Variants in SETMAR observed in about 807,000 individuals in gnomAD.
The protein encoded by SETMAR is histone-lysine N-methyltransferase SETMAR.
SETMAR carries 44 observed loss-of-function variants against 58.4 expected under a neutral mutation model. That is an observed-to-expected ratio of 0.75 (90% confidence interval 0.59 to 0.97). The LOEUF is 0.97. Among genes scored for constraint, SETMAR ranks in the 50% least tolerant of loss-of-function variants. The pLI, the probability that SETMAR is intolerant of heterozygous loss-of-function variation, is 0.00. For synonymous variants in SETMAR, 332 were observed against 307.4 expected (o/e 1.08, Z -0.84); for missense variants, 903 against 840.2 (o/e 1.07, Z -0.92).
intron 1 of SETMAR, among the ~76,000 whole-genome samples, chr3:4,306,085 G>A (rs201594178): frequency 1.3e-5 from 2 of 152,086 alleles, no homozygotes; most frequent in Non-Finnish European, 2.9e-5. Flanking sequence ...ACAGAAAAAC[G>A]CACTCTACCC....
chr3:4,316,046 CAAAAAAAAAAAAA>C (rs774059331), intron 2 of SETMAR, among the ~76,000 whole-genome samples, 153 bp from the exon 3 acceptor site: 1 of 76,886 alleles, frequency 1.3e-5, no homozygotes, highest in Non-Finnish European at 2.7e-5. Context: ...GACTCTGTCT[CAAAAAAAAAAAAA>C]AAAAAAAAAG....
chr3:4,307,444 G>A (rs372203867), intron 1 of SETMAR, among the ~76,000 whole-genome samples: 1 of 152,230 alleles, frequency 6.6e-6, no homozygotes, highest in East Asian at 1.9e-4. Flanking sequence ...CACAATTAGA[G>A]AGCCCTACAA....
chr3:4,313,314 T>C lies in SETMAR; in HGVS notation c.573T>C (p.Asn191=). ...RIHLQTKSDS[N]YIIAIREHVY... is the part of the protein sequence containing the mutation. ...ACTTACAAACAAAATCCGACTCCAA[T>C]TACATTATAGCCATCAGGGAACATG... Residue 191 remains asparagine (N), a synonymous_variant, in exon 2 of 3, where the codon AAT becomes AAC. Coordinates refer to ENST00000358065, the MANE Select transcript of SETMAR (RefSeq NM_006515.4). The C allele has an allele frequency of 6.2e-7, 1 of 1,614,034 alleles. No individual in the cohort carries two copies. The highest frequency in any genetic ancestry group is 8.5e-7 in the Non-Finnish European group (1 of 1,179,960).
chr3:4,313,027 T>C lies in SETMAR; in HGVS notation c.286T>C (p.Tyr96His). Residue 96 changes from tyrosine (Y) to histidine (H), a missense_variant, in exon 2 of 3, where the codon TAT becomes CAT. Coordinates refer to ENST00000358065, the MANE Select transcript of SETMAR (RefSeq NM_006515.4). ...CTCCTGTCTCCGCCATGGAGAGAACTATGATGATAACTCATGCCTTAGAGA... is the reference window on the plus strand; with the variant it reads ...CTCCTGTCTCCGCCATGGAGAGAACCATGATGATAACTCATGCCTTAGAGA... Reference protein sequence around the residue: ...TCSCLRHGENYDDNSCLRDIG... With the variant: ...TCSCLRHGENHDDNSCLRDIG... 6.2e-7 allele frequency: 1 copy of C among 1,613,956 alleles called. No individual in the cohort carries two copies. The highest frequency in any genetic ancestry group is 8.5e-7 in the Non-Finnish European group (1 of 1,179,902).
At chr3:4,307,394 A>G (rs2125080829) in intron 1 of SETMAR, among the ~76,000 whole-genome samples, 1 of 152,100 alleles carries the variant, frequency 6.6e-6, no homozygotes, top group Middle Eastern at 3.4e-3. Flanking sequence ...CTTTTCCCTG[A>G]GACACGTATC....
chr3:4,315,478 CAACT>C (rs1429671170), intron 2 of SETMAR, among the ~76,000 whole-genome samples: 1 of 152,158 alleles, frequency 6.6e-6, no homozygotes, highest in Non-Finnish European at 1.5e-5. Context: ...CTGCCAGAGA[CAACT>C]GACTGAATAT....
intron 2 of SETMAR, among the ~76,000 whole-genome samples, 182 bp from the exon 3 acceptor site, chr3:4,316,028 CAG>C (rs1449827825): frequency 8.1e-6 from 1 of 122,840 alleles, no homozygotes; most frequent in African/African-American, 3.3e-5. Context: ...GCTTGGGTGA[CAG>C]AGCGAGACTC....
intron 1 of SETMAR, among the ~76,000 whole-genome samples, chr3:4,307,953 C>T (rs1346529470): frequency 6.6e-6 from 1 of 152,050 alleles, no homozygotes; most frequent in African/African-American, 2.4e-5. Context: ...GGAGGCTGAC[C>T]TTGAGCCCAG....
At chr3:4,305,651 T>C (rs889069369) in intron 1 of SETMAR, among the ~76,000 whole-genome samples, 3 of 152,162 alleles carry the variant, frequency 2.0e-5, no homozygotes, top group Non-Finnish European at 4.4e-5. Flanking sequence ...TCTTCCCTTA[T>C]TTGTTATTTG....
chr3:4,309,120 C>G (rs1304552509), intron 1 of SETMAR, among the ~76,000 whole-genome samples: 1 of 152,144 alleles, frequency 6.6e-6, no homozygotes, highest in Non-Finnish European at 1.5e-5. Context: ...TTAGGAATGC[C>G]TTGGGTAAGA....
intron 1 of SETMAR, among the ~76,000 whole-genome samples, chr3:4,310,944 C>G (rs1249107108): frequency 6.6e-6 from 1 of 152,132 alleles, no homozygotes; most frequent in Non-Finnish European, 1.5e-5. Context: ...AACACTGAAC[C>G]TTTAAAAAGC....
intron 2 of SETMAR, 123 bp downstream of exon 2, chr3:4,313,884 CCAT>C (rs762109435): frequency 1.3e-6 from 2 of 1,488,196 alleles, no homozygotes; most frequent in Non-Finnish European, 1.8e-6. Context: ...TGCAAGTTGT[CCAT>C]CAGTATCCTT....
intron 2 of SETMAR, among the ~76,000 whole-genome samples, chr3:4,315,190 C>T (rs1559219618): frequency 1.3e-5 from 2 of 152,218 alleles, no homozygotes; most frequent in African/African-American, 2.4e-5. Context: ...TCCTCTATTA[C>T]TTCAATGCCT....
chr3:4,308,272 A>T (rs1320636306), intron 1 of SETMAR, among the ~76,000 whole-genome samples: 2 of 152,154 alleles, frequency 1.3e-5, no homozygotes, highest in South Asian at 4.1e-4. Flanking sequence ...TCCAGAACTT[A>T]TTTTCTTCAC....
At chr3:4,303,828 G>A (rs1183321249) in intron 1 of SETMAR, 3 of 1,360,818 alleles carry the variant, frequency 2.2e-6, no homozygotes, top group African/African-American at 3.0e-5. Context: ...GGCATCACGG[G>A]GGGAGTCATT....
chr3:4,316,163 TATGTTTTTTTGCTAATGAC>T (rs1225835317), intron 2 of SETMAR, 30 bp from the exon 3 acceptor site: 2 of 633,476 alleles, frequency 3.2e-6, no homozygotes, highest in Admixed American at 2.3e-5. Context: ...AGCATTTCTT[TATGTTTTTTTGCTAATGAC>T]ATCTTACTTG....
At chr3:4,306,890 G>C (rs955880708) in intron 1 of SETMAR, among the ~76,000 whole-genome samples, 2 of 152,222 alleles carry the variant, frequency 1.3e-5, no homozygotes, top group Non-Finnish European at 2.9e-5. Context: ...AATGTCATCA[G>C]TGTTGAAAGC....
Position 4,303,501 on chromosome 3 carries a change from C to A in SETMAR, c.131C>A (p.Pro44Gln). 2 of 1,452,584 alleles carry A rather than the reference C, an allele frequency of 1.4e-6. No homozygotes were observed. Among genetic ancestry groups the A allele is most frequent in the Non-Finnish European group, 1.8e-6 (2 of 1,107,984 alleles). 90.0% of individuals were successfully genotyped at this position (1,452,584 alleles called of 1,614,324 possible). A position where few individuals can be genotyped will look rare whatever the true frequency, so the allele number is the denominator to read the frequency against. Residue 44 changes from proline (P) to glutamine (Q), a missense_variant, in exon 1 of 3, where the codon CCG becomes CAG. By Grantham distance (76) the Pro-to-Gln change is moderately conservative. Transcript: ENST00000358065. ...QENLPVGAWP[P>Q]GAAPAPFQYT... ...AACTTGCCGGTGGGCGCGTGGCCCC[C>A]GGGGGCCGCGCCGGCGCCCTTCCAG...
At position 4,316,872 on chromosome 3, in the gene SETMAR, C is replaced by T. The variant is rs1698681376; in HGVS notation, c.1681C>T (p.Gln561Ter). 6.5e-7 allele frequency: 1 copy of T among 1,549,462 alleles called. No homozygotes were observed. ...GETITSEKYA[Q>*]EIDEMNQKLQ... ...AACCATTACATCTGAGAAGTATGCT[C>T]AGGAAATCGATGAGATGAACCAAAA... Residue 561 changes from glutamine (Q) to a stop codon, truncating the protein, a stop_gained, in exon 3 of 3, where the codon CAG becomes TAG. Coordinates refer to ENST00000358065, the MANE Select transcript of SETMAR (RefSeq NM_006515.4). LOFTEE classifies it high-confidence loss of function.
Sources: allele counts gnomAD v4.1 joint callset (sites outside exome capture counted in the v4.1 genomes callset), GRCh38; gene constraint gnomAD v4.1.1; transcripts MANE v1.5; gene names NCBI Gene and HGNC (gene_info 2026-07-23, HGNC 2026-07-21).